COX10: variants seen among roughly 807,000 people sequenced by gnomAD.
COX10 encodes cytochrome c oxidase assembly factor heme A:farnesyltransferase COX10.
COX10 carries 27 observed loss-of-function variants against 37.3 expected under a neutral mutation model. The ratio of observed to expected loss-of-function variants is 0.72; its 90% CI spans 0.53 to 1.00. The LOEUF (loss-of-function observed/expected upper bound fraction) is 1.00, where lower values mean the gene tolerates loss of function less well. Among genes scored for constraint, COX10 ranks in the 50% least tolerant of loss-of-function variants. COX10 has a pLI of 0.00. For missense variants in COX10, 475 were observed against 563.2 expected (o/e 0.84, Z 1.59); for synonymous variants, 222 against 229.1 (o/e 0.97, Z 0.28).
intron 5 of COX10, among the ~76,000 whole-genome samples, chr17:14,176,438 G>A (rs531174209): frequency 3.2e-4 from 49 of 152,208 alleles, no homozygotes; most frequent in African/African-American, 9.4e-4. Context: ...AGTAAACCCC[G>A]CAGGGAAACA....
At chr17:14,161,333 C>T (rs548541207) in intron 5 of COX10, among the ~76,000 whole-genome samples, 1 of 152,182 alleles carries the variant, frequency 6.6e-6, no homozygotes, top group African/African-American at 2.4e-5. Flanking sequence ...TCCAAAGGCC[C>T]GAAAATTCCA....
intron 3 of COX10, among the ~76,000 whole-genome samples, chr17:14,094,616 C>A (rs1482161008): frequency 6.6e-6 from 1 of 152,030 alleles, no homozygotes; most frequent in Non-Finnish European, 1.5e-5. Context: ...CTGTTCACTC[C>A]CCTGGAGGAG....
chr17:14,115,911 G>A (rs535332606), intron 4 of COX10, among the ~76,000 whole-genome samples: 2 of 152,140 alleles, frequency 1.3e-5, no homozygotes, highest in Non-Finnish European at 2.9e-5. Context: ...TGAGAAACTG[G>A]AACAATGTAA....
At chr17:14,115,517 A>G (rs1395925247) in intron 4 of COX10, among the ~76,000 whole-genome samples, 1 of 152,154 alleles carries the variant, frequency 6.6e-6, no homozygotes, top group Non-Finnish European at 1.5e-5. Context: ...TGATCCAGCA[A>G]TCCCACTACT....
At chr17:14,150,924 A>G (rs1904875676) in intron 4 of COX10, among the ~76,000 whole-genome samples, 1 of 152,222 alleles carries the variant, frequency 6.6e-6, no homozygotes, top group Non-Finnish European at 1.5e-5. Flanking sequence ...GGGGCCAAAC[A>G]GTATATTCTA....
intron 5 of COX10, among the ~76,000 whole-genome samples, chr17:14,174,483 A>T (rs1367613390): frequency 6.6e-6 from 1 of 151,382 alleles, no homozygotes; most frequent in African/African-American, 2.4e-5. Context: ...AAAGTGCGTG[A>T]AAGATTTAAA....
chr17:14,140,906 A>G (rs1307265331), intron 4 of COX10, among the ~76,000 whole-genome samples: 1 of 152,156 alleles, frequency 6.6e-6, no homozygotes, highest in African/African-American at 2.4e-5. Context: ...TCACGTTATG[A>G]TAAATGATTA....
chr17:14,165,434 T>A (rs1905260058), intron 5 of COX10, among the ~76,000 whole-genome samples: 1 of 152,164 alleles, frequency 6.6e-6, no homozygotes, highest in Non-Finnish European at 1.5e-5. Context: ...ACTGTTGTAA[T>A]TGTTTTGGGG....
chr17:14,129,564 A>G (rs971955892), intron 4 of COX10, among the ~76,000 whole-genome samples: 1 of 152,212 alleles, frequency 6.6e-6, no homozygotes, highest in African/African-American at 2.4e-5. Flanking sequence ...TTAGGCTTAT[A>G]TGGATAAATC....
At chr17:14,153,671 A>G (rs1904964586) in intron 4 of COX10, among the ~76,000 whole-genome samples, 1 of 152,232 alleles carries the variant, frequency 6.6e-6, no homozygotes. Flanking sequence ...AAAAAGTGGC[A>G]CAACCACTTC....
chr17:14,194,029 A>G (rs1028241366), intron 6 of COX10, among the ~76,000 whole-genome samples: 15 of 152,178 alleles, frequency 9.9e-5, no homozygotes, highest in African/African-American at 3.6e-4. Flanking sequence ...ACTCTATTCA[A>G]CTTCCTCAAA....
rs552350642 is a variant in COX10 at position 14,193,210 on chromosome 17, G to A, written c.928+989G>A. On this transcript the variant is annotated intron_variant, in intron 6 of 6. Coordinates refer to ENST00000261643, the MANE Select transcript of COX10 (RefSeq NM_001303.4). ...AGCGGTGGTGAGCAAGGAAGCCGGC[G>A]GCGCTGCCTGGATGGGGAGCCCGAC... 4.6e-3 allele frequency among the ~76,000 whole-genome samples: 697 copies of A among 152,320 alleles called. 1 individual carries two copies. Among genetic ancestry groups the A allele is most frequent in the Middle Eastern group, 0.02 (6 of 294 alleles).
At chr17:14,170,897 A>G (rs1415599317) in intron 5 of COX10, among the ~76,000 whole-genome samples, 2 of 152,236 alleles carry the variant, frequency 1.3e-5, no homozygotes, top group Non-Finnish European at 2.9e-5. Context: ...TCATGTAAAT[A>G]AAAGTACATT....
intron 6 of COX10, among the ~76,000 whole-genome samples, chr17:14,198,409 A>C (rs978377320): frequency 6.6e-6 from 1 of 152,178 alleles, no homozygotes; most frequent in Non-Finnish European, 1.5e-5. Flanking sequence ...AGAAAGGTTC[A>C]GATTATTTTT....
At chr17:14,182,034 T>C (rs1361955004) in intron 5 of COX10, 2 of 982,892 alleles carry the variant, frequency 2.0e-6, no homozygotes, top group African/African-American at 1.8e-5. Context: ...ATCTTTCTTC[T>C]CATCCTTCTA....
intron 4 of COX10, among the ~76,000 whole-genome samples, chr17:14,137,859 C>A (rs1208269408): frequency 6.6e-6 from 1 of 151,790 alleles, no homozygotes; most frequent in Admixed American, 6.6e-5. Flanking sequence ...GTTTTTCTTT[C>A]CATGCAGATT....
At chr17:14,076,586 T>C in intron 2 of COX10, 149 bp from the exon 3 acceptor site, 1 of 765,610 alleles carries the variant, frequency 1.3e-6, no homozygotes, top group Non-Finnish European at 2.2e-6. Flanking sequence ...TATAGCACTC[T>C]ATAAATACAT....
At position 14,207,450 on chromosome 17, in the gene COX10, G is replaced by C; in HGVS notation, c.*237G>C. 3 of 570,628 alleles carry C rather than the reference G, an allele frequency of 5.3e-6. No homozygotes were observed. Among genetic ancestry groups the C allele is most frequent in the Non-Finnish European group, 9.0e-6 (3 of 334,360 alleles). 35.3% of individuals were successfully genotyped at this position (570,628 alleles called of 1,614,324 possible). A position where few individuals can be genotyped will look rare whatever the true frequency, so the allele number is the denominator to read the frequency against. On this transcript the variant is annotated 3_prime_UTR_variant, in exon 7 of 7. Transcript: ENST00000261643. ...AAAAGGAATTATTTTTCCCTTTGAG[G>C]GTCTTTATACATCTCTCCTCCAACC... is the stretch of plus-strand genomic sequence containing the variant.
At chr17:14,206,564 C>T (rs1427953777) in intron 6 of COX10, among the ~76,000 whole-genome samples, 1 of 152,112 alleles carries the variant, frequency 6.6e-6, no homozygotes. Context: ...CCACAGCCTC[C>T]TGCCCCCAGG....
Sources: gnomAD v4.1 joint callset for allele counts (sites outside exome capture counted in the v4.1 genomes callset) on GRCh38, gnomAD v4.1.1 for gene constraint, MANE v1.5 for transcripts, NCBI Gene and HGNC (gene_info 2026-07-23, HGNC 2026-07-21) for gene names.